NDUFAF6: variants seen among roughly 807,000 people sequenced by gnomAD.
NDUFAF6 encodes NADH:ubiquinone oxidoreductase complex assembly factor 6, also known as NADH dehydrogenase (ubiquinone) complex I, assembly factor 6.
Under a neutral mutation model 40.8 loss-of-function variants are expected in NDUFAF6, and 45 were observed. That is an observed-to-expected ratio of 1.10 (90% confidence interval 0.87 to 1.42). The LOEUF is 1.42. Among genes scored for constraint, NDUFAF6 ranks in the 40% most tolerant of loss-of-function variants. NDUFAF6 has a pLI of 0.00. For synonymous variants in NDUFAF6, 185 were observed against 155.9 expected (o/e 1.19, Z -1.39); for missense variants, 435 against 418.5 (o/e 1.04, Z -0.34).
intron 2 of NDUFAF6, among the ~76,000 whole-genome samples, chr8:94,995,613 C>T (rs534706416): frequency 7.9e-5 from 12 of 152,088 alleles, no homozygotes; most frequent in Admixed American, 3.9e-4. Flanking sequence ...AAAGAATGGC[C>T]GACTTTATTC....
At chr8:95,116,101 G>A (rs929395961) in intron 5 of NDUFAF6, among the ~76,000 whole-genome samples, 2 of 152,056 alleles carry the variant, frequency 1.3e-5, no homozygotes, top group Non-Finnish European at 2.9e-5. Context: ...TCGCGCCACT[G>A]CACTCCAGCC....
At position 95,035,547 on chromosome 8, in the gene NDUFAF6, C is replaced by T; in HGVS notation, c.391C>T (p.His131Tyr). The change falls in exon 3 of 9, where the codon CAT (histidine) becomes TAT (tyrosine). Residue 131 changes from histidine to tyrosine, a missense_variant. Physicochemically the swap from His to Tyr is moderately conservative, Grantham distance 83. Coordinates refer to ENST00000396124, the MANE Select transcript of NDUFAF6 (RefSeq NM_152416.4). ...VEDIYCDNPP[H>Y]QPVAIELWKA... ...AGATATATACTGTGACAATCCACCA[C>T]ATCAGCCTGTGGCCATTGAACTATG... is the stretch of plus-strand genomic sequence containing the variant. 1.2e-6 allele frequency: 2 copies of T among 1,611,062 alleles called. No homozygotes were observed. Among genetic ancestry groups the T allele is most frequent in the Admixed American group, 3.3e-5 (2 of 59,708 alleles).
intron 2 of NDUFAF6, among the ~76,000 whole-genome samples, chr8:94,991,382 G>A (rs1008478944): frequency 1.3e-5 from 2 of 152,204 alleles, no homozygotes; most frequent in Non-Finnish European, 2.9e-5. Flanking sequence ...ATGCTGCAGC[G>A]TGAACTCTGG....
At chr8:95,078,662 A>ATATATATATATATATATATAT (rs1554689343), downstream of NDUFAF6, 1 of 121,040 alleles carries the variant, frequency 8.3e-6, no homozygotes, top group African/African-American at 3.3e-5. Flanking sequence ...AAAAAAAAAA[A>ATATATATATATATATATATAT]ATATATATAT....
chr8:95,084,651 T>A (rs6471509), intron 2 of NDUFAF6, among the ~76,000 whole-genome samples: 97,278 of 152,056 alleles, frequency 0.64, 32,215 homozygotes, highest in African/African-American at 0.8. Context: ...TGTGAATTCA[T>A]TTGGCTTCCT....
At chr8:95,013,510 AAG>A (rs1459228459) in intron 2 of NDUFAF6, among the ~76,000 whole-genome samples, 1 of 152,200 alleles carries the variant, frequency 6.6e-6, no homozygotes, top group Admixed American at 6.5e-5. Flanking sequence ...ATTATGCAAA[AAG>A]AAGTTTCAAA....
intron 2 of NDUFAF6, among the ~76,000 whole-genome samples, chr8:95,087,127 T>C (rs1360993059): frequency 6.6e-6 from 1 of 152,142 alleles, no homozygotes; most frequent in Admixed American, 6.5e-5. Flanking sequence ...TTCAAAAATA[T>C]AGAAAGCTTA....
downstream of NDUFAF6, among the ~76,000 whole-genome samples, chr8:95,080,238 A>AT (rs1307082250): frequency 9.2e-5 from 10 of 108,680 alleles, no homozygotes; most frequent in African/African-American, 3.2e-4. Flanking sequence ...TTTTGTAGTG[A>AT]TTTTTTGTAG....
At chr8:94,979,532 G>A (rs1825240086) in intron 1 of NDUFAF6, among the ~76,000 whole-genome samples, 1 of 152,120 alleles carries the variant, frequency 6.6e-6, no homozygotes, top group South Asian at 2.1e-4. Flanking sequence ...ATTTCAGCAT[G>A]AGTTTAGTCC....
intron 1 of NDUFAF6, chr8:94,926,457 A>G (rs2131291639): frequency 6.6e-6 from 1 of 152,278 alleles, no homozygotes; most frequent in Middle Eastern, 3.4e-3. Context: ...TAAAGTTCAA[A>G]ATCTCTGGAG....
intron 7 of NDUFAF6, among the ~76,000 whole-genome samples, chr8:95,049,554 T>G (rs1468984938): frequency 6.6e-6 from 1 of 152,216 alleles, no homozygotes; most frequent in Admixed American, 6.5e-5. Flanking sequence ...TTTTTCCTGG[T>G]ACTTCTTGTG....
At chr8:95,015,503 C>T (rs766769534) in intron 2 of NDUFAF6, among the ~76,000 whole-genome samples, 24 of 152,122 alleles carry the variant, frequency 1.6e-4, no homozygotes, top group South Asian at 4.1e-4. Context: ...GTCCTAACTG[C>T]GGTACACTTT....
In NDUFAF6 at chr8:95,052,173, G is replaced by A. The variant is rs1831511120; in HGVS notation, c.817-1G>A. Reference sequence around the variant, plus strand: ...GAGCTTCCTCTCCTCTTCCTTTTTAGGCTAGGTCCTTTCACAAAACTGTTC... The same window carrying A: ...GAGCTTCCTCTCCTCTTCCTTTTTAAGCTAGGTCCTTTCACAAAACTGTTC... On this transcript the variant is annotated splice_acceptor_variant, in intron 7 of 8. Transcript: ENST00000396124. LOFTEE classifies it high-confidence loss of function. The A allele has an allele frequency of 2.5e-6, 4 of 1,613,856 alleles. No individual in the cohort carries two copies. Among genetic ancestry groups the A allele is most frequent in the African/African-American group, 2.7e-5 (2 of 74,894 alleles).
At chr8:95,024,132 C>A (rs1388162140), upstream of NDUFAF6, among the ~76,000 whole-genome samples, 4 of 152,236 alleles carry the variant, frequency 2.6e-5, no homozygotes, top group Non-Finnish European at 5.9e-5. Flanking sequence ...CATGCTGGAC[C>A]TTGGAGGCCC....
chr8:94,956,146 C>T (rs1419320858), upstream of NDUFAF6, among the ~76,000 whole-genome samples: 1 of 144,406 alleles, frequency 6.9e-6, no homozygotes, highest in Non-Finnish European at 1.6e-5. Context: ...GATTAGAATG[C>T]CTCCTTCAGT....
At chr8:94,973,434 T>G (rs117179765) in intron 1 of NDUFAF6, among the ~76,000 whole-genome samples, 31 of 152,104 alleles carry the variant, frequency 2.0e-4, no homozygotes, top group Admixed American at 5.9e-4. Context: ...TTGGGCTGGG[T>G]GCGGTGGCTC....
At chr8:94,976,827 G>A (rs868584728) in intron 1 of NDUFAF6, among the ~76,000 whole-genome samples, 9 of 152,136 alleles carry the variant, frequency 5.9e-5, no homozygotes, top group African/African-American at 1.9e-4. Context: ...CAATGCGAAT[G>A]TACTTAATAT....
intron 2 of NDUFAF6, among the ~76,000 whole-genome samples, chr8:95,003,910 C>T (rs1586946228): frequency 6.6e-6 from 1 of 152,284 alleles, no homozygotes; most frequent in Admixed American, 6.5e-5. Context: ...TTGGGTTTCT[C>T]CCAGCAGCCT....
intron 1 of NDUFAF6, among the ~76,000 whole-genome samples, chr8:95,029,031 G>A (rs1828513442): frequency 1.3e-5 from 2 of 152,098 alleles, no homozygotes; most frequent in South Asian, 2.1e-4. Flanking sequence ...GGTTTATGTG[G>A]CAATTGGAGG....
Sources: gnomAD v4.1 joint callset for allele counts (sites outside exome capture counted in the v4.1 genomes callset) on GRCh38, gnomAD v4.1.1 for gene constraint, MANE v1.5 for transcripts, NCBI Gene and HGNC (gene_info 2026-07-23, HGNC 2026-07-21) for gene names.